Variants in METTL9 observed in about 807,000 individuals in gnomAD.
METTL9 encodes methyltransferase 9, His-X-His N1(pi)-histidine.
A neutral mutation model predicts 36.0 loss-of-function variants in METTL9; 10 were observed. The observed-to-expected ratio is 0.28, with a 90% CI of 0.17 to 0.47. The LOEUF is 0.47. Among genes scored for constraint, METTL9 ranks in the 20% least tolerant of loss-of-function variants. The pLI is 0.99. For missense variants in METTL9, 246 were observed against 383.5 expected (o/e 0.64, Z 3.00); for synonymous variants, 175 against 149.7 (o/e 1.17, Z -1.23).
chr16:21,655,164 T>C (rs1450648396), intron 4 of METTL9, 63 bp from the exon 5 acceptor site: 1 of 1,484,032 alleles, frequency 6.7e-7, no homozygotes, highest in African/African-American at 1.4e-5. Context: ...GGCTCCTCCC[T>C]GCTTCCCTCT....
At chr16:21,627,793 T>C (rs889510986) in intron 4 of METTL9, among the ~76,000 whole-genome samples, 1 of 151,852 alleles carries the variant, frequency 6.6e-6, no homozygotes, top group Non-Finnish European at 1.5e-5. Flanking sequence ...GCTAAAAATA[T>C]AAAAACAAAA....
intron 4 of METTL9, chr16:21,647,610 A>G (rs1966465265): frequency 3.9e-6 from 5 of 1,293,016 alleles, no homozygotes; most frequent in Non-Finnish European, 5.2e-6. Flanking sequence ...TAATCCCAAT[A>G]TAAATAAGAC....
chr16:21,621,705 T>A (rs997363335), intron 3 of METTL9, among the ~76,000 whole-genome samples: 7 of 152,210 alleles, frequency 4.6e-5, no homozygotes, highest in Non-Finnish European at 7.3e-5. Flanking sequence ...GTTGTCATTG[T>A]TTATGCCAGA....
chr16:21,634,113 G>A (rs112665411), intron 4 of METTL9, among the ~76,000 whole-genome samples: 2,692 of 152,274 alleles, frequency 0.018, 91 homozygotes, highest in African/African-American at 0.062. Context: ...GGAGGTGGGA[G>A]AAATACCTGG....
rs1965044524 is a variant in METTL9, at chr16:21,599,615, G to A, written c.-119G>A. 1.5e-6 allele frequency: 2 copies of A among 1,331,236 alleles called. No homozygotes were observed. The highest frequency in any genetic ancestry group is 1.6e-5 in the African/African-American group (1 of 64,352). 82.5% of individuals were successfully genotyped at this position (1,331,236 alleles called of 1,614,324 possible). ...GCCTTTGCCCTGAAGGGGGCTGGAT[G>A]GGCAAGGCGGCCGCGATGGCTCGAG... On this transcript the variant is annotated 5_prime_UTR_variant, in exon 1 of 5. An upstream start codon of the reference 5' UTR is lost. Coordinates refer to ENST00000358154, the MANE Select transcript of METTL9 (RefSeq NM_016025.5). The surrounding 1 kb of genome is among the most constrained non-coding windows in gnomAD (Gnocchi z 4.4).
At chr16:21,631,862 A>G (rs893960466) in intron 4 of METTL9, among the ~76,000 whole-genome samples, 7 of 152,004 alleles carry the variant, frequency 4.6e-5, no homozygotes, top group African/African-American at 1.7e-4. Context: ...CCTGGCTTTT[A>G]AAGGAATAGG....
intron 4 of METTL9, among the ~76,000 whole-genome samples, chr16:21,651,136 T>C (rs527585701): frequency 3.5e-4 from 54 of 152,206 alleles, no homozygotes; most frequent in African/African-American, 1.3e-3. Context: ...GGCAGGAGAA[T>C]GGCGTGAACC....
chr16:21,650,138 TC>T (rs1966529104), intron 4 of METTL9, among the ~76,000 whole-genome samples: 1 of 150,012 alleles, frequency 6.7e-6, no homozygotes, highest in South Asian at 2.1e-4. Context: ...GCATTGTGAG[TC>T]CCTGTCTCTA....
intron 4 of METTL9, chr16:21,625,363 T>G (rs1004999327): frequency 4.5e-5 from 21 of 464,460 alleles, no homozygotes; most frequent in Admixed American, 2.7e-4. Context: ...TGCTTGAGAT[T>G]GAAAGCTAAA....
intron 4 of METTL9, among the ~76,000 whole-genome samples, chr16:21,632,786 G>A (rs1475127430): frequency 6.6e-6 from 1 of 152,130 alleles, no homozygotes; most frequent in African/African-American, 2.4e-5. Flanking sequence ...CCCGTAAACA[G>A]GCCAGCCTTT....
At chr16:21,598,877 G>C (rs1275986962), upstream of METTL9, among the ~76,000 whole-genome samples, 3 of 152,164 alleles carry the variant, frequency 2.0e-5, no homozygotes, top group African/African-American at 7.2e-5. Flanking sequence ...GGGTACCCCA[G>C]CTGCGGTAGC....
At chr16:21,647,179 T>G in intron 4 of METTL9, 2 of 1,614,198 alleles carry the variant, frequency 1.2e-6, no homozygotes, top group Non-Finnish European at 1.7e-6. Context: ...TAGCTCTCGC[T>G]TCCGGCACAC....
chr16:21,622,557 A>T lies in METTL9; in HGVS notation c.567-2374A>T, dbSNP rs549997638. Among the ~76,000 whole-genome samples, 16 of 152,312 alleles carry T rather than the reference A, an allele frequency of 1.1e-4. No homozygotes were observed. In the East Asian group the frequency reaches 3.1e-3, roughly 29 times the overall value. ...TCTAGGTTTAGAAATACTGTTTTAG[A>T]AAAAGGAAAATTCTGACAACTTGTT... On this transcript the variant is annotated intron_variant, in intron 3 of 4. Coordinates refer to ENST00000358154, the MANE Select transcript of METTL9 (RefSeq NM_016025.5).
intron 4 of METTL9, chr16:21,644,548 T>C (rs1204887812): frequency 1.7e-6 from 1 of 588,018 alleles, no homozygotes; most frequent in Non-Finnish European, 3.0e-6. Flanking sequence ...CAAAAGGTAC[T>C]CAAGTATGTA....
chr16:21,649,733 C>G (rs2141622857), intron 4 of METTL9, among the ~76,000 whole-genome samples: 1 of 152,180 alleles, frequency 6.6e-6, no homozygotes, highest in African/African-American at 2.4e-5. Flanking sequence ...GAGATAGGGT[C>G]CCACTGTGTC....
At chr16:21,647,463 T>C (rs763636136) in intron 4 of METTL9, 2 of 1,613,778 alleles carry the variant, frequency 1.2e-6, no homozygotes, top group Admixed American at 3.3e-5. Flanking sequence ...CACGGTTGTG[T>C]GACAGAGAGA....
chr16:21,630,020 C>CTCTA (rs1162871370), intron 4 of METTL9, among the ~76,000 whole-genome samples: 1 of 152,130 alleles, frequency 6.6e-6, no homozygotes, highest in Non-Finnish European at 1.5e-5. Flanking sequence ...AAACCATTAG[C>CTCTA]TAGACACAGA....
intron 4 of METTL9, chr16:21,652,451 G>A: frequency 9.4e-7 from 1 of 1,066,914 alleles, no homozygotes; most frequent in Non-Finnish European, 1.4e-6. Flanking sequence ...TAATCTGAAG[G>A]AGCTTAAAAT....
chr16:21,598,231 C>T (rs1964997257), upstream of METTL9, among the ~76,000 whole-genome samples: 1 of 152,048 alleles, frequency 6.6e-6, no homozygotes, highest in Non-Finnish European at 1.5e-5. Flanking sequence ...CACCCGTAGT[C>T]CCAGCTGCTC....
Sources: allele counts gnomAD v4.1 joint callset (sites outside exome capture counted in the v4.1 genomes callset), GRCh38; gene constraint gnomAD v4.1.1; non-coding constraint Gnocchi (gnomAD v3.1); transcripts MANE v1.5; gene names NCBI Gene and HGNC (gene_info 2026-07-23, HGNC 2026-07-21).